The following SLC47A1 variants were observed in gnomAD, a reference collection of about 807,000 sequenced individuals.
The protein encoded by SLC47A1 is multidrug and toxin extrusion protein 1.
In SLC47A1, 58 loss-of-function variants were observed where a neutral mutation model predicts 65.8. That is an observed-to-expected ratio of 0.88 (90% CI 0.71 to 1.10). The LOEUF is 1.10. Ranked by LOEUF, SLC47A1 falls within the 50% of genes least tolerant of loss-of-function variation. The probability of loss-of-function intolerance (pLI) is 0.00; values close to 1 mark genes in which losing one functional copy is unlikely to be tolerated. For missense variants in SLC47A1, 706 were observed against 719.2 expected (o/e 0.98, Z 0.21); for synonymous variants, 285 against 295.0 (o/e 0.97, Z 0.35).
At chr17:19,537,455 G>A (rs957682165) in intron 1 of SLC47A1, among the ~76,000 whole-genome samples, 4 of 152,218 alleles carry the variant, frequency 2.6e-5, no homozygotes, top group African/African-American at 7.2e-5. Flanking sequence ...GCCTAGGCCC[G>A]AGGAGGGGAA....
At chr17:19,563,653 C>T (rs1009921417) in intron 12 of SLC47A1, among the ~76,000 whole-genome samples, 2 of 152,074 alleles carry the variant, frequency 1.3e-5, no homozygotes, top group African/African-American at 4.8e-5. Context: ...TCACAGATCA[C>T]TCTTATGTAT....
At chr17:19,534,230 C>A in intron 1 of SLC47A1, 156 bp downstream of exon 1, 2 of 957,180 alleles carry the variant, frequency 2.1e-6, no homozygotes, top group Non-Finnish European at 2.9e-6. Context: ...GCGGGCACCC[C>A]AGCTCCTCTG....
In SLC47A1 at chr17:19,578,035, T is replaced by G. The variant is rs1597517626; in HGVS notation, c.*482T>G. ...TCTTGCTCTGTCATGCAGGCTGGAG[T>G]GCGGTGGTGCGATCATAGCTCACTG... On this transcript the variant is annotated 3_prime_UTR_variant, in exon 17 of 17. Transcript: ENST00000270570. 1 of 1,154,518 alleles carries G rather than the reference T, an allele frequency of 8.7e-7. No homozygotes were observed. The highest frequency in any genetic ancestry group is 1.3e-5 in the South Asian group (1 of 78,020). 71.5% of individuals were successfully genotyped at this position (1,154,518 alleles called of 1,614,324 possible). A position where few individuals can be genotyped will look rare whatever the true frequency, so the allele number is the denominator to read the frequency against.
chr17:19,557,414 A>C (rs1916647410), intron 10 of SLC47A1: 1 of 315,650 alleles, frequency 3.2e-6, no homozygotes, highest in African/African-American at 2.2e-5. Flanking sequence ...GGATTCCACT[A>C]TATGTGATAT....
intron 10 of SLC47A1, among the ~76,000 whole-genome samples, chr17:19,558,633 T>A (rs1344805889): frequency 2.0e-5 from 3 of 151,888 alleles, no homozygotes; most frequent in East Asian, 1.9e-4. Context: ...TTAAAAAAAA[T>A]TTGGTCTTGT....
At chr17:19,539,073 A>G (rs1916068962) in intron 1 of SLC47A1, among the ~76,000 whole-genome samples, 1 of 151,772 alleles carries the variant, frequency 6.6e-6, no homozygotes, top group Non-Finnish European at 1.5e-5. Flanking sequence ...CACGCATGCT[A>G]TTTTTGGTAT....
At chr17:19,567,911 G>A (rs1275262074) in intron 14 of SLC47A1, 1 of 152,258 alleles carries the variant, frequency 6.6e-6, no homozygotes, top group Non-Finnish European at 1.5e-5. Flanking sequence ...ACAGAAGGAA[G>A]GGGGCGGACT....
At chr17:19,534,929 T>C (rs888598529) in intron 1 of SLC47A1, 2 of 152,180 alleles carry the variant, frequency 1.3e-5, no homozygotes, top group African/African-American at 4.8e-5. Context: ...GCAACTGGTA[T>C]GCACTTAAGG....
At position 19,577,490 on chromosome 17, in the gene SLC47A1, C is replaced by T. The variant is rs2084450413; in HGVS notation, c.1650C>T (p.Leu550=). 6.2e-7 allele frequency: 1 copy of T among 1,614,132 alleles called. No individual in the cohort carries two copies. The highest frequency in any genetic ancestry group is 1.7e-5 in the Admixed American group (1 of 60,014). The part of the protein sequence containing the change: ...KQLVLRRGLL[L]LGVFLILLVG... ...TGGTGCTGCGGCGAGGGCTTCTGCT[C>T]CTGGGGGTCTTCTTAATCTTGCTGG... is the stretch of plus-strand genomic sequence containing the variant. Residue 550 remains leucine, a synonymous_variant, in exon 17 of 17, where the codon CTC becomes CTT. Transcript: ENST00000270570.
rs1481158532 is a variant in SLC47A1, at chr17:19,555,252, A to G, written c.584A>G (p.Asn195Ser). ...CAGATCGTAACTGGAGTTGCAGCCA[A>G]CCTTGTCAATGCCCTCGCCAACTAT... ...LPQIVTGVAA[N>S]LVNALANYLF... Residue 195 changes from asparagine to serine, a missense_variant, in exon 7 of 17, where the codon AAC (asparagine) becomes AGC (serine). Physicochemically the swap from Asn to Ser is conservative, Grantham distance 46. Transcript: ENST00000270570. 1 of 1,614,154 alleles carries G rather than the reference A, an allele frequency of 6.2e-7. No homozygotes were observed. The highest frequency in any genetic ancestry group is 8.5e-7 in the Non-Finnish European group (1 of 1,180,028).
rs1420824433 is a variant in SLC47A1 at position 19,555,700 on chromosome 17, G to T, written c.739+10G>T. On this transcript the variant is annotated intron_variant, in intron 8 of 16. Coordinates refer to ENST00000270570, the MANE Select transcript of SLC47A1 (RefSeq NM_018242.3). ...CAAGCTACATGGGGAGGTAATGACT[G>T]CCCTTTTGTCTTCCAACTGGGATGT... The T allele has an allele frequency of 6.2e-7, 1 of 1,613,770 alleles. No homozygotes were observed.
intron 1 of SLC47A1, among the ~76,000 whole-genome samples, chr17:19,539,144 C>T (rs1597492243): frequency 6.6e-6 from 1 of 152,172 alleles, no homozygotes; most frequent in East Asian, 1.9e-4. Context: ...CTCCTGGGCT[C>T]AAGCAGTCCT....
rs1567963623 is a variant in SLC47A1 at position 19,533,874 on chromosome 17, T to TGCCGGCCTGCGCGGTACC, written c.-66_-65insGCCGGCCTGCGCGGTACC. On this transcript the variant is annotated 5_prime_UTR_variant, in exon 1 of 17. Transcript: ENST00000270570. ...TACCCACTGCCGGCCTGCGCGGTAC[T>TGCCGGCCTGCGCGGTACC]CACTGCCGGCCTCCGCGGTACCCAC... is the stretch of plus-strand genomic sequence containing the variant. 0.041 allele frequency: 56,037 copies of TGCCGGCCTGCGCGGTACC among 1,380,532 alleles called. 2,471 individuals are homozygous for TGCCGGCCTGCGCGGTACC. The highest frequency in any genetic ancestry group is 0.045 in the Non-Finnish European group (48,109 of 1,067,506). The allele number at this position is 1,380,532 out of a possible 1,614,324, so 85.5% of individuals were successfully genotyped here. A position where few individuals can be genotyped will look rare whatever the true frequency, so the allele number is the denominator to read the frequency against.
At chr17:19,551,070 C>G (rs865805153) in intron 5 of SLC47A1, among the ~76,000 whole-genome samples, 1 of 152,226 alleles carries the variant, frequency 6.6e-6, no homozygotes, top group South Asian at 2.1e-4. Flanking sequence ...TTTCATGATT[C>G]CACCACATAG....
chr17:19,545,221 G>A (rs184871843), intron 2 of SLC47A1, among the ~76,000 whole-genome samples: 54 of 152,058 alleles, frequency 3.6e-4, no homozygotes, highest in Admixed American at 1.7e-3. Flanking sequence ...TTGAGATGGA[G>A]TCTTGTTCTG....
At chr17:19,571,874 G>A (rs1468398153) in intron 15 of SLC47A1, among the ~76,000 whole-genome samples, 1 of 152,184 alleles carries the variant, frequency 6.6e-6, no homozygotes, top group Non-Finnish European at 1.5e-5. Flanking sequence ...AGAAATGTGG[G>A]ATGCATCAAA....
At chr17:19,555,963 G>T in intron 9 of SLC47A1, 32 bp from the exon 10 acceptor site, 2 of 1,614,140 alleles carry the variant, frequency 1.2e-6, no homozygotes, top group Non-Finnish European at 1.7e-6. Flanking sequence ...GCCCTGTCTG[G>T]GTGCAAGGCG....
chr17:19,544,418 G>T (rs1318465631), intron 2 of SLC47A1, among the ~76,000 whole-genome samples: 1 of 152,270 alleles, frequency 6.6e-6, no homozygotes, highest in Non-Finnish European at 1.5e-5. Context: ...ACTTATCAAA[G>T]TCAGTGCTTC....
chr17:19,565,554 GCAGT>G (rs1432693057), intron 12 of SLC47A1, among the ~76,000 whole-genome samples: 2 of 149,482 alleles, frequency 1.3e-5, no homozygotes, highest in African/African-American at 4.9e-5. Context: ...TTAGTCACCT[GCAGT>G]CAATTTTGGT....
Sources: allele counts gnomAD v4.1 joint callset (sites outside exome capture counted in the v4.1 genomes callset), GRCh38; gene constraint gnomAD v4.1.1; transcripts MANE v1.5; gene names NCBI Gene and HGNC (gene_info 2026-07-23, HGNC 2026-07-21).